Variants in CFAP58 observed in about 807,000 individuals in gnomAD.
CFAP58 encodes the protein cilia and flagella associated protein 58.
CFAP58 carries 88 observed loss-of-function variants against 119.5 expected under a neutral mutation model. The ratio of observed to expected loss-of-function variants is 0.74; its 90% CI spans 0.62 to 0.88. The LOEUF (loss-of-function observed/expected upper bound fraction) is 0.88. Ranked by LOEUF, CFAP58 falls within the 40% of genes least tolerant of loss-of-function variation. The probability of loss-of-function intolerance (pLI) is 0.00; values close to 1 mark genes in which losing one functional copy is unlikely to be tolerated. For missense variants in CFAP58, 990 were observed against 1,021.2 expected (o/e 0.97, Z 0.42); for synonymous variants, 365 against 366.3 (o/e 1.00, Z 0.04).
At chr10:104,398,582 G>T (rs2012204677) in intron 11 of CFAP58, among the ~76,000 whole-genome samples, 1 of 152,170 alleles carries the variant, frequency 6.6e-6, no homozygotes, top group Non-Finnish European at 1.5e-5. Flanking sequence ...TAATTCCTGT[G>T]ATTTTCATAT....
the CFAP58 span, among the ~76,000 whole-genome samples, chr10:104,344,422 C>T: frequency 1.3e-5 from 2 of 152,212 alleles, no homozygotes; most frequent in Non-Finnish European, 2.9e-5. Context: ...TCTATAAATA[C>T]AATTATATTG....
In CFAP58 at chr10:104,357,914, CATATATGTACACAT is replaced by C. The variant is rs1202228678; in HGVS notation, c.10-423_10-410del. 1.3e-4 allele frequency among the ~76,000 whole-genome samples: 14 copies of C among 108,616 alleles called. 1 individual carries two copies. In the East Asian group the frequency reaches 3.3e-3, roughly 25 times the overall value. 71.3% of individuals were successfully genotyped at this position (108,616 alleles called of 152,430 possible). ...AAACATATATGTACACATATACACA[CATATATGTACACAT>C]ATACACACATATATGTACACATATA... On this transcript the variant is annotated intron_variant, in intron 1 of 17. Coordinates refer to ENST00000369704, the MANE Select transcript of CFAP58 (RefSeq NM_001008723.2).
chr10:104,357,806 C>T (rs936513106), intron 1 of CFAP58, among the ~76,000 whole-genome samples: 1 of 145,440 alleles, frequency 6.9e-6, no homozygotes, highest in Admixed American at 6.8e-5. Flanking sequence ...TATATACACA[C>T]ATATATATGT....
chr10:104,338,753 C>A, the CFAP58 span, among the ~76,000 whole-genome samples: 8 of 152,202 alleles, frequency 5.3e-5, no homozygotes, highest in African/African-American at 1.9e-4. Flanking sequence ...GGGTTAAGTC[C>A]TTACCAGTCG....
intron 1 of CFAP58, among the ~76,000 whole-genome samples, chr10:104,358,030 CATATGT>C (rs2014611818): frequency 7.3e-6 from 1 of 137,036 alleles, no homozygotes; most frequent in African/African-American, 2.7e-5. Flanking sequence ...CATATATATA[CATATGT>C]ACATATACAC....
At chr10:104,424,038 G>A (rs1020657050) in intron 15 of CFAP58, among the ~76,000 whole-genome samples, 3 of 152,136 alleles carry the variant, frequency 2.0e-5, no homozygotes, top group Admixed American at 6.5e-5. Context: ...TCTCTGGTGG[G>A]TCATCAAGTT....
At chr10:104,439,600 G>C (rs2013000807) in intron 15 of CFAP58, among the ~76,000 whole-genome samples, 1 of 151,824 alleles carries the variant, frequency 6.6e-6, no homozygotes, top group Non-Finnish European at 1.5e-5. Flanking sequence ...TTCATTTTGG[G>C]AGGCTGAAGT....
chr10:104,369,921 T>G (rs1421606323), intron 6 of CFAP58, among the ~76,000 whole-genome samples: 2 of 152,194 alleles, frequency 1.3e-5, no homozygotes, highest in Admixed American at 1.3e-4. Flanking sequence ...AAGCTTGAAG[T>G]CTTTAGACAA....
chr10:104,372,148 T>C (rs1386625219), intron 7 of CFAP58, among the ~76,000 whole-genome samples: 2 of 151,796 alleles, frequency 1.3e-5, no homozygotes, highest in Non-Finnish European at 2.9e-5. Context: ...AGGTCAGGAG[T>C]TCGAGATCAG....
intron 5 of CFAP58, 110 bp downstream of exon 5, chr10:104,366,118 C>T (rs954743782): frequency 2.6e-5 from 25 of 965,128 alleles, no homozygotes; most frequent in Middle Eastern, 3.4e-4. Flanking sequence ...ATTCCCTTCA[C>T]TACTCGTGCT....
chr10:104,411,879 T>C (rs2012467275), intron 15 of CFAP58, among the ~76,000 whole-genome samples: 1 of 152,134 alleles, frequency 6.6e-6, no homozygotes, highest in Admixed American at 6.6e-5. Flanking sequence ...CTTTTAAAAG[T>C]CACTAACTTT....
chr10:104,357,904 C>T (rs34142346), intron 1 of CFAP58, among the ~76,000 whole-genome samples: 3,372 of 97,434 alleles, frequency 0.035, 96 homozygotes, highest in Non-Finnish European at 0.048. Context: ...TATATGTACA[C>T]ATATACACAC....
intron 15 of CFAP58, among the ~76,000 whole-genome samples, chr10:104,410,647 A>G (rs1168245947): frequency 6.6e-6 from 1 of 151,976 alleles, no homozygotes; most frequent in Non-Finnish European, 1.5e-5. Context: ...CTTCTGTTTG[A>G]TAGTTAGATC....
At position 104,357,854 on chromosome 10, in the gene CFAP58, T is replaced by C. The variant is rs1318490831; in HGVS notation, c.10-487T>C. 5.7e-4 allele frequency among the ~76,000 whole-genome samples: 25 copies of C among 43,742 alleles called. 3 individuals are homozygous for C. The highest frequency in any genetic ancestry group is 1.9e-3 in the African/African-American group (21 of 10,958). 28.7% of individuals were successfully genotyped at this position (43,742 alleles called of 152,430 possible). A position where few individuals can be genotyped will look rare whatever the true frequency, so the allele number is the denominator to read the frequency against. The stretch of plus-strand genomic sequence containing the variant: ...ATATATGTACACATATGTACACATA[T>C]ATACACATATATACACATATATGTA... On this transcript the variant is annotated intron_variant, in intron 1 of 17. Coordinates refer to ENST00000369704, the MANE Select transcript of CFAP58 (RefSeq NM_001008723.2).
chr10:104,434,074 G>C (rs2012892835), intron 15 of CFAP58, among the ~76,000 whole-genome samples: 2 of 152,190 alleles, frequency 1.3e-5, no homozygotes, highest in South Asian at 4.1e-4. Context: ...TTAAGTGTGT[G>C]ATCCTGGGCA....
the CFAP58 span, among the ~76,000 whole-genome samples, chr10:104,342,232 T>G: frequency 6.6e-6 from 1 of 152,232 alleles, no homozygotes; most frequent in Admixed American, 6.5e-5. Flanking sequence ...GTATGATGAT[T>G]GCCTTTTTCT....
intron 16 of CFAP58, among the ~76,000 whole-genome samples, chr10:104,449,802 A>G (rs967335757): frequency 1.3e-5 from 2 of 152,086 alleles, no homozygotes; most frequent in African/African-American, 4.8e-5. Flanking sequence ...TTCATCTGTG[A>G]GCCTGTTCGA....
At position 104,447,738 on chromosome 10, in the gene CFAP58, C is replaced by T. The variant is rs367904228; in HGVS notation, c.2297C>T (p.Ala766Val). 1.2e-5 allele frequency: 20 copies of T among 1,614,142 alleles called. No homozygotes were observed. In the African/African-American group the frequency reaches 2.1e-4, roughly 17 times the overall value. ...TACATGGAACTAAAGCACGTCTTGGCCCGCCAGCCTGGACCTGAGGCTGCG... is the reference window on the plus strand; with the variant it reads ...TACATGGAACTAAAGCACGTCTTGGTCCGCCAGCCTGGACCTGAGGCTGCG... ...KLYMELKHVLARQPGPEAAEQ... is the reference protein window; with the variant it reads ...KLYMELKHVLVRQPGPEAAEQ... The change falls in exon 16 of 18, where the codon GCC becomes GTC. Residue 766 changes from alanine to valine, a missense_variant. Coordinates refer to ENST00000369704, the MANE Select transcript of CFAP58 (RefSeq NM_001008723.2).
upstream of CFAP58, among the ~76,000 whole-genome samples, chr10:104,350,336 G>A (rs11192018): frequency 0.21 from 31,997 of 152,232 alleles, 3,984 homozygotes; most frequent in Non-Finnish European, 0.29. Flanking sequence ...TCTGAAAGGT[G>A]AGGACTTTGA....
Sources: gnomAD v4.1 joint callset for allele counts (sites outside exome capture counted in the v4.1 genomes callset) on GRCh38, gnomAD v4.1.1 for gene constraint, MANE v1.5 for transcripts, NCBI Gene and HGNC (gene_info 2026-07-23, HGNC 2026-07-21) for gene names.